The following CD9 variants were observed in gnomAD, a reference collection of about 807,000 sequenced individuals.
The protein encoded by CD9 is CD9 molecule.
CD9 carries 10 observed loss-of-function variants against 31.4 expected under a neutral mutation model. The ratio of observed to expected loss-of-function variants is 0.32; its 90% CI spans 0.20 to 0.54. The LOEUF is 0.54. Ranked by LOEUF, CD9 falls within the 20% of genes least tolerant of loss-of-function variation. CD9 has a pLI of 0.94. For missense variants in CD9, 259 were observed against 300.1 expected (o/e 0.86, Z 1.01); for synonymous variants, 113 against 114.1 (o/e 0.99, Z 0.06).
intron 4 of CD9, among the ~76,000 whole-genome samples, chr12:6,234,792 CAA>C (rs1946494053): frequency 6.6e-6 from 1 of 152,172 alleles, no homozygotes; most frequent in Admixed American, 6.5e-5. Flanking sequence ...GCTGTAGGGA[CAA>C]ATGTGGAAAC....
chr12:6,204,879 C>T (rs758731), intron 1 of CD9, among the ~76,000 whole-genome samples: 95,290 of 152,148 alleles, frequency 0.63, 31,644 homozygotes, highest in African/African-American at 0.86. Context: ...CCTCCCTGCC[C>T]CTTCCTGTAT....
chr12:6,203,730 A>G (rs948895712), intron 1 of CD9, among the ~76,000 whole-genome samples: 6 of 152,100 alleles, frequency 3.9e-5, no homozygotes, highest in South Asian at 2.1e-4. Context: ...GAGGGAAAAC[A>G]TCTTGCTGAT....
intron 1 of CD9, among the ~76,000 whole-genome samples, chr12:6,211,554 T>A (rs1304007542): frequency 6.6e-6 from 1 of 152,232 alleles, no homozygotes; most frequent in Non-Finnish European, 1.5e-5. Context: ...CGCACGCACG[T>A]GGCGGCCAAC....
At chr12:6,217,497 C>T (rs1237481448) in intron 1 of CD9, among the ~76,000 whole-genome samples, 3 of 152,200 alleles carry the variant, frequency 2.0e-5, no homozygotes, top group Non-Finnish European at 4.4e-5. Flanking sequence ...TGCCACTGTA[C>T]TCCAGCCTGG....
At chr12:6,218,779 CAGT>C (rs1190943153) in intron 1 of CD9, among the ~76,000 whole-genome samples, 3 of 152,072 alleles carry the variant, frequency 2.0e-5, no homozygotes, top group Non-Finnish European at 2.9e-5. Context: ...ATTGTGCTCT[CAGT>C]GGTGAGTGGG....
At chr12:6,231,238 G>GT (rs1274404708) in intron 2 of CD9, among the ~76,000 whole-genome samples, 2 of 152,196 alleles carry the variant, frequency 1.3e-5, no homozygotes, top group Admixed American at 1.3e-4. Context: ...CTCATGCTTG[G>GT]TATAATTGAG....
chr12:6,228,811 A>G lies in CD9; in HGVS notation c.175+3277A>G, dbSNP rs1374414919. On this transcript the variant is annotated intron_variant, in intron 2 of 7. Coordinates refer to ENST00000009180, the MANE Select transcript of CD9 (RefSeq NM_001769.4). ...CACCCTGGCTACTTTTCCAAGGAAT[A>G]GTCATGGGGTGACCGCCCCTTGCAC... Among the ~76,000 whole-genome samples, 3 of 152,172 alleles carry G rather than the reference A, an allele frequency of 2.0e-5. No individual in the cohort carries two copies. In the East Asian group the frequency reaches 5.8e-4, roughly 29 times the overall value.
At chr12:6,202,523 C>A (rs1946088514) in intron 1 of CD9, among the ~76,000 whole-genome samples, 1 of 152,258 alleles carries the variant, frequency 6.6e-6, no homozygotes, top group Non-Finnish European at 1.5e-5. Context: ...TTTGGGACTG[C>A]AGGGAAACAC....
At chr12:6,223,658 C>G (rs1275960939) in intron 1 of CD9, among the ~76,000 whole-genome samples, 1 of 152,112 alleles carries the variant, frequency 6.6e-6, no homozygotes, top group Non-Finnish European at 1.5e-5. Flanking sequence ...CTTGTCTAGT[C>G]CCTTGTGTAC....
chr12:6,213,607 A>T (rs551271151), intron 1 of CD9, among the ~76,000 whole-genome samples: 29 of 152,220 alleles, frequency 1.9e-4, no homozygotes, highest in Non-Finnish European at 3.2e-4. Context: ...TCCAAAAGGA[A>T]GTTGATTCTT....
At chr12:6,222,259 C>G (rs971547125) in intron 1 of CD9, among the ~76,000 whole-genome samples, 1 of 152,194 alleles carries the variant, frequency 6.6e-6, no homozygotes, top group Non-Finnish European at 1.5e-5. Context: ...TAGCATCCCC[C>G]CCGGCCGGTG....
At chr12:6,227,548 TTGTG>T (rs1054373455) in intron 2 of CD9, among the ~76,000 whole-genome samples, 1 of 152,230 alleles carries the variant, frequency 6.6e-6, no homozygotes, top group African/African-American at 2.4e-5. Context: ...ATTCATTGTC[TTGTG>T]TGTATTATAT....
At chr12:6,233,021 CCTT>C (rs1291973365) in intron 3 of CD9, 16 of 702,416 alleles carry the variant, frequency 2.3e-5, no homozygotes, top group Non-Finnish European at 3.4e-5. Context: ...TTTGCCTTCT[CCTT>C]CTTGTTTCAA....
intron 1 of CD9, among the ~76,000 whole-genome samples, chr12:6,202,167 T>C (rs1464364619): frequency 6.6e-6 from 1 of 152,150 alleles, no homozygotes; most frequent in Non-Finnish European, 1.5e-5. Context: ...GAACAGTTTT[T>C]CCAATTTGCA....
At chr12:6,235,805 G>T in intron 6 of CD9, 1 of 1,383,760 alleles carries the variant, frequency 7.2e-7, no homozygotes, top group Non-Finnish European at 9.3e-7. Context: ...CTGCCAGCCC[G>T]GAAGCTCTCA....
intron 2 of CD9, among the ~76,000 whole-genome samples, chr12:6,229,708 T>C (rs1946419357): frequency 6.6e-6 from 1 of 151,386 alleles, no homozygotes; most frequent in Non-Finnish European, 1.5e-5. Flanking sequence ...GGGAGCCTGC[T>C]GTGTCCTCTC....
chr12:6,225,808 T>C (rs1439487059), intron 2 of CD9: 1 of 447,912 alleles, frequency 2.2e-6, no homozygotes, highest in Non-Finnish European at 4.0e-6. Context: ...AAAGTTGTAC[T>C]CATTCTTGAG....
rs148844194 is a variant in CD9, at chr12:6,233,438, C to G, written c.300C>G (p.Phe100Leu). The G allele has an allele frequency of 1.9e-6, 3 of 1,613,924 alleles. No individual in the cohort carries two copies. The highest frequency in any genetic ancestry group is 2.5e-6 in the Non-Finnish European group (3 of 1,179,932). ...TCTTCGGCTTCCTCTTGGTGATATT[C>G]GCCATTGAAATAGCTGCGGCCATCT... ...GLFFGFLLVIFAIEIAAAIWG... is the reference protein window; with the variant it reads ...GLFFGFLLVILAIEIAAAIWG... Residue 100 changes from phenylalanine to leucine, a missense_variant, in exon 4 of 8, where the codon TTC (phenylalanine) becomes TTG (leucine). Transcript: ENST00000009180.
chr12:6,222,241 G>T (rs183479576), intron 1 of CD9, among the ~76,000 whole-genome samples: 1 of 152,292 alleles, frequency 6.6e-6, no homozygotes, highest in Non-Finnish European at 1.5e-5. Context: ...GGCAGCTGAT[G>T]GTTCACATAG....
Sources: gnomAD v4.1 joint callset for allele counts (sites outside exome capture counted in the v4.1 genomes callset) on GRCh38, gnomAD v4.1.1 for gene constraint, MANE v1.5 for transcripts, NCBI Gene and HGNC (gene_info 2026-07-23, HGNC 2026-07-21) for gene names.